SRGAP1: variants seen among roughly 807,000 people sequenced by gnomAD.
SRGAP1 encodes SLIT-ROBO Rho GTPase activating protein 1.
A neutral mutation model predicts 121.9 loss-of-function variants in SRGAP1; 43 were observed. The ratio of observed to expected loss-of-function variants is 0.35; its 90% CI spans 0.28 to 0.46. The LOEUF is 0.46. Ranked by LOEUF, SRGAP1 falls within the 20% of genes least tolerant of loss-of-function variation. The pLI, the probability that SRGAP1 is intolerant of heterozygous loss-of-function variation, is 1.00. For missense variants in SRGAP1, 1,102 were observed against 1,350.9 expected (o/e 0.82, Z 2.89); for synonymous variants, 447 against 485.4 (o/e 0.92, Z 1.04).
chr12:63,943,532 A>G (rs1251838524), intron 1 of SRGAP1, among the ~76,000 whole-genome samples: 1 of 152,240 alleles, frequency 6.6e-6, no homozygotes, highest in African/African-American at 2.4e-5. Context: ...CCAAGGTTAC[A>G]TAGCTTGTAA....
At chr12:63,851,300 C>G (rs902608639) in intron 1 of SRGAP1, among the ~76,000 whole-genome samples, 2 of 151,680 alleles carry the variant, frequency 1.3e-5, no homozygotes, top group African/African-American at 2.4e-5. Context: ...TATTTAAAAC[C>G]AGGAACTCTG....
At chr12:63,904,458 G>GA (rs1388508267) in intron 1 of SRGAP1, among the ~76,000 whole-genome samples, 2 of 152,204 alleles carry the variant, frequency 1.3e-5, no homozygotes, top group Non-Finnish European at 2.9e-5. Context: ...TGGAAGTCAG[G>GA]TGTTGAGGAT....
At chr12:64,019,688 C>G (rs772643659) in intron 4 of SRGAP1, among the ~76,000 whole-genome samples, 1 of 152,116 alleles carries the variant, frequency 6.6e-6, no homozygotes, top group Non-Finnish European at 1.5e-5. Flanking sequence ...TATATTAATA[C>G]TTACTCAGTT....
chr12:63,913,472 TATATGGATATATATATATAAATACAC>T lies in SRGAP1; in HGVS notation c.67+68594_67+68619del, dbSNP rs2030623351. 3.5e-4 allele frequency among the ~76,000 whole-genome samples: 38 copies of T among 108,340 alleles called. No homozygotes were observed. The Admixed American group carries it at 3.5e-3, about 10-fold the overall frequency. 71.1% of individuals were successfully genotyped at this position (108,340 alleles called of 152,430 possible). On this transcript the variant is annotated intron_variant, in intron 1 of 21. Coordinates refer to ENST00000355086, the MANE Select transcript of SRGAP1 (RefSeq NM_020762.4). ...GTGTCCACATATATATATATATATA[TATATGGATATATATATATAAATACAC>T]ATATATGTGTATATATATATACATA...
intron 1 of SRGAP1, among the ~76,000 whole-genome samples, chr12:63,926,803 G>A (rs1215722917): frequency 6.6e-6 from 1 of 152,068 alleles, no homozygotes; most frequent in Non-Finnish European, 1.5e-5. Context: ...TTTTCCCAAT[G>A]TGAAACTTTG....
intron 1 of SRGAP1, among the ~76,000 whole-genome samples, chr12:63,947,238 T>C (rs1401502737): frequency 6.6e-6 from 1 of 152,182 alleles, no homozygotes; most frequent in Non-Finnish European, 1.5e-5. Flanking sequence ...ATGGTACCAT[T>C]TTACAATTTC....
chr12:64,075,484 C>T (rs895391974), intron 8 of SRGAP1, among the ~76,000 whole-genome samples: 33 of 152,158 alleles, frequency 2.2e-4, no homozygotes, highest in African/African-American at 8.0e-4. Context: ...GTTTTGGGGC[C>T]AGTTTATGGC....
At chr12:63,894,875 T>C (rs1258547646) in intron 1 of SRGAP1, among the ~76,000 whole-genome samples, 1 of 152,230 alleles carries the variant, frequency 6.6e-6, no homozygotes, top group Non-Finnish European at 1.5e-5. Flanking sequence ...CTATCATTGA[T>C]GGACATTTGG....
intron 1 of SRGAP1, among the ~76,000 whole-genome samples, chr12:63,914,800 C>G (rs572330679): frequency 5.3e-5 from 8 of 150,268 alleles, no homozygotes; most frequent in Admixed American, 1.3e-4. Flanking sequence ...TTTTTTTTTT[C>G]TAAATATGTT....
chr12:63,991,532 A>G (rs1049172212), intron 3 of SRGAP1, among the ~76,000 whole-genome samples: 73 of 152,252 alleles, frequency 4.8e-4, no homozygotes, highest in Admixed American at 4.8e-3. Context: ...GAAATATCCT[A>G]TGCGTCTTAA....
intron 1 of SRGAP1, among the ~76,000 whole-genome samples, chr12:63,979,510 C>T (rs2033190149): frequency 6.6e-6 from 1 of 152,018 alleles, no homozygotes; most frequent in South Asian, 2.1e-4. Context: ...AACCTACTTA[C>T]CCTTCAATGC....
chr12:64,032,564 C>T lies in SRGAP1; in HGVS notation c.490-10226C>T, dbSNP rs576532943. The T allele has an allele frequency of 1.1e-5, 11 of 971,856 alleles. No individual in the cohort carries two copies. The East Asian group carries it at 1.6e-4, about 14-fold the overall frequency. The allele number at this position is 971,856 out of a possible 1,614,324, so 60.2% of individuals were successfully genotyped here. A position where few individuals can be genotyped will look rare whatever the true frequency, so the allele number is the denominator to read the frequency against. The stretch of plus-strand genomic sequence containing the variant: ...CAAGGCAGTGCCTTGACCAGAGCCA[C>T]GGACCTAGCTCTGCACATAAGTCCT... On this transcript the variant is annotated intron_variant, in intron 4 of 21. Coordinates refer to ENST00000355086, the MANE Select transcript of SRGAP1 (RefSeq NM_020762.4).
chr12:64,039,627 A>ATGTGTGTGTGTGTGTGTGTGTGTGTG (rs1565652059), intron 4 of SRGAP1, among the ~76,000 whole-genome samples: 1 of 38,318 alleles, frequency 2.6e-5, no homozygotes, highest in African/African-American at 8.3e-5. Context: ...CAGCTGAGCA[A>ATGTGTGTGTGTGTGTGTGTGTGTGTG]CGTGTGTGTG....
chr12:64,122,104 T>G (rs1156526307), intron 18 of SRGAP1, among the ~76,000 whole-genome samples: 1 of 152,186 alleles, frequency 6.6e-6, no homozygotes, highest in African/African-American at 2.4e-5. Flanking sequence ...AGAGAAAGTG[T>G]GATCACATTT....
At chr12:63,866,350 G>T (rs2136272060) in intron 1 of SRGAP1, among the ~76,000 whole-genome samples, 1 of 152,260 alleles carries the variant, frequency 6.6e-6, no homozygotes, top group East Asian at 1.9e-4. Context: ...ATGTGTTGTT[G>T]ATATTGTGAG....
intron 1 of SRGAP1, among the ~76,000 whole-genome samples, chr12:63,872,614 C>T (rs1899891937): frequency 6.6e-6 from 1 of 152,162 alleles, no homozygotes; most frequent in Non-Finnish European, 1.5e-5. Flanking sequence ...CATTTACAGT[C>T]ATGCTGGAAT....
chr12:63,927,924 A>G (rs1019313112), intron 1 of SRGAP1, among the ~76,000 whole-genome samples: 15 of 152,154 alleles, frequency 9.9e-5, no homozygotes, highest in Non-Finnish European at 1.9e-4. Flanking sequence ...CGTGCATTCA[A>G]TATGCTAGAA....
At chr12:64,129,984 T>G (rs946931782) in intron 21 of SRGAP1, among the ~76,000 whole-genome samples, 3 of 151,858 alleles carry the variant, frequency 2.0e-5, no homozygotes, top group South Asian at 2.1e-4. Flanking sequence ...TGGTTGTTGT[T>G]GTTGTTGTTG....
chr12:64,128,318 A>G (rs545964813), intron 21 of SRGAP1, 118 bp downstream of exon 21: 10 of 1,017,780 alleles, frequency 9.8e-6, no homozygotes, highest in South Asian at 3.9e-5. Context: ...TATAGAACCA[A>G]CTAAAGAAAA....
Sources: gnomAD v4.1 joint callset for allele counts (sites outside exome capture counted in the v4.1 genomes callset) on GRCh38, gnomAD v4.1.1 for gene constraint, MANE v1.5 for transcripts, NCBI Gene and HGNC (gene_info 2026-07-23, HGNC 2026-07-21) for gene names.